Variants in CGGBP1 observed in about 807,000 individuals in gnomAD.
The protein encoded by CGGBP1 is CGG triplet repeat-binding protein 1.
A neutral mutation model predicts 11.4 loss-of-function variants in CGGBP1; 4 were observed. The ratio of observed to expected loss-of-function variants is 0.35; its 90% CI spans 0.17 to 0.80. The LOEUF is 0.80. Ranked by LOEUF, CGGBP1 falls within the 30% of genes least tolerant of loss-of-function variation. The pLI is 0.52. For missense variants in CGGBP1, 135 were observed against 202.1 expected (o/e 0.67, Z 2.01); for synonymous variants, 76 against 74.1 (o/e 1.03, Z -0.13).
In CGGBP1 at chr3:88,058,432, C is replaced by T. The variant is rs181013729; in HGVS notation, c.-330-209G>A. Among the ~76,000 whole-genome samples, 71 of 152,332 alleles carry T rather than the reference C, an allele frequency of 4.7e-4. No individual in the cohort carries two copies. The East Asian group carries it at 8.3e-3, about 18-fold the overall frequency. ...TCCGCCCGCTTGGCACCTCCTCCAG[C>T]TCCCCAGGCCCGGGGGTTCGGGCGG... On this transcript the variant is annotated intron_variant, in intron 1 of 3. Coordinates refer to ENST00000482016, the MANE Select transcript of CGGBP1 (RefSeq NM_001008390.2).
Position 88,055,852 on chromosome 3 carries a change from AAG to A in CGGBP1, c.123_124del (p.Phe42LeufsTer17). Reference sequence around the variant, plus strand: ...CAGAACCACATTGCAAGAAGTGCAGAAGAGTTTTCCTCCATCTTCATGCAGCT... The same window carrying A: ...CAGAACCACATTGCAAGAAGTGCAGAAGTTTTCCTCCATCTTCATGCAGCT... On this transcript the variant is annotated frameshift_variant, in exon 4 of 4. Coordinates refer to ENST00000482016, the MANE Select transcript of CGGBP1 (RefSeq NM_001008390.2). LOFTEE classifies it high-confidence loss of function. This position sits in a 1 kb window ranked among gnomAD's most constrained non-coding sequence, Gnocchi z 4.2. 6.2e-7 allele frequency: 1 copy of A among 1,614,202 alleles called. No homozygotes were observed. The highest frequency in any genetic ancestry group is 8.5e-7 in the Non-Finnish European group (1 of 1,180,034).
rs878955184 is a variant in CGGBP1, at chr3:88,055,322, GTT to G, written c.*149_*150del. On this transcript the variant is annotated 3_prime_UTR_variant, in exon 4 of 4. Transcript: ENST00000482016. The surrounding 1 kb of genome is among the most constrained non-coding windows in gnomAD (Gnocchi z 4.2). ...TAACAATAAGTTTTGCAGTGAGGTG[GTT>G]TTTTTTTTGCCTGCAACTATATACA... 2.2e-5 allele frequency: 13 copies of G among 582,846 alleles called. No individual in the cohort carries two copies. The highest frequency in any genetic ancestry group is 4.8e-5 in the South Asian group (1 of 20,656). 36.1% of individuals were successfully genotyped at this position (582,846 alleles called of 1,614,324 possible).
intron 2 of CGGBP1, among the ~76,000 whole-genome samples, chr3:88,071,974 CA>C (rs1345696593): frequency 6.6e-6 from 1 of 152,120 alleles, no homozygotes; most frequent in Non-Finnish European, 1.5e-5. Flanking sequence ...TCTTGTCAAA[CA>C]GTACATACTT....
chr3:88,122,443 A>G (rs953201736), intron 2 of CGGBP1, among the ~76,000 whole-genome samples: 1 of 152,166 alleles, frequency 6.6e-6, no homozygotes, highest in East Asian at 1.9e-4. Context: ...TCACAGACAC[A>G]TGTTGTAGGT....
intron 2 of CGGBP1, among the ~76,000 whole-genome samples, chr3:88,106,229 T>C (rs372577791): frequency 1.3e-5 from 2 of 152,386 alleles, no homozygotes; most frequent in Admixed American, 1.3e-4. Context: ...TCTGATGATA[T>C]GTCAATCCTA....
chr3:88,109,383 G>T (rs898017503), intron 2 of CGGBP1, among the ~76,000 whole-genome samples: 1 of 152,048 alleles, frequency 6.6e-6, no homozygotes, highest in African/African-American at 2.4e-5. Flanking sequence ...CTTAAAAGTT[G>T]AGTGTTTTAA....
rs569760340 is a variant in CGGBP1, at chr3:88,087,285, C to G, written c.-228-29062G>C. On this transcript the variant is annotated intron_variant, in intron 2 of 3. Coordinates refer to the CGGBP1 transcript ENST00000462901. ...TAGAGACAGGGTTTCACCGTGTTGG[C>G]CAGGCTGGTCTTGAACTCCTGACAG... 8.7e-4 allele frequency among the ~76,000 whole-genome samples: 133 copies of G among 152,148 alleles called. 2 individuals are homozygous for G. The Middle Eastern group carries it at 0.01, about 12-fold the overall frequency.
intron 2 of CGGBP1, among the ~76,000 whole-genome samples, chr3:88,108,073 GTT>G (rs370093184): frequency 2.5e-3 from 386 of 151,934 alleles, no homozygotes; most frequent in African/African-American, 9.1e-3. Flanking sequence ...ATTTGCATTT[GTT>G]TTTGTCAGGT....
intron 2 of CGGBP1, among the ~76,000 whole-genome samples, chr3:88,075,986 C>G (rs1366684081): frequency 6.6e-6 from 1 of 152,170 alleles, no homozygotes; most frequent in East Asian, 1.9e-4. Flanking sequence ...CATTTACTTC[C>G]CTGAGACCTA....
At chr3:88,113,005 A>G in intron 2 of CGGBP1, 1 of 722,140 alleles carries the variant, frequency 1.4e-6, no homozygotes, top group Non-Finnish European at 2.1e-6. Context: ...TTTTTAAACC[A>G]AAATATTTTA....
intron 2 of CGGBP1, chr3:88,140,582 T>C (rs779988236): frequency 3.7e-6 from 6 of 1,613,606 alleles, no homozygotes; most frequent in Admixed American, 1.7e-5. Flanking sequence ...AAAATAATTG[T>C]AGTAGTAGTG....
chr3:88,114,230 G>A (rs1468231033), intron 2 of CGGBP1, among the ~76,000 whole-genome samples: 6 of 152,104 alleles, frequency 3.9e-5, no homozygotes, highest in African/African-American at 1.4e-4. Context: ...AAGGAGGATG[G>A]GGATAGTGCT....
At chr3:88,059,436 C>T (rs1466436914), upstream of CGGBP1, 11 of 1,520,004 alleles carry the variant, frequency 7.2e-6, no homozygotes, top group South Asian at 3.6e-5. Context: ...GCAGAGGCGG[C>T]GCTGGCAGCG....
intron 2 of CGGBP1, among the ~76,000 whole-genome samples, chr3:88,106,872 A>T (rs1704773681): frequency 6.6e-6 from 1 of 152,046 alleles, no homozygotes; most frequent in Admixed American, 6.6e-5. Flanking sequence ...GAAGAAGTGA[A>T]TTTTTCCCTG....
At chr3:88,060,400 C>G (rs564842125), upstream of CGGBP1, among the ~76,000 whole-genome samples, 2 of 152,186 alleles carry the variant, frequency 1.3e-5, no homozygotes, top group African/African-American at 4.8e-5. Flanking sequence ...TTTGTGTACT[C>G]TGCATTCTCA....
intron 2 of CGGBP1, among the ~76,000 whole-genome samples, chr3:88,085,344 G>T (rs993421805): frequency 2.6e-5 from 4 of 152,194 alleles, no homozygotes; most frequent in African/African-American, 9.6e-5. Context: ...ATAAATGGAT[G>T]AACCTGGTTG....
chr3:88,141,672 TC>T (rs775038614), intron 1 of CGGBP1: 3 of 1,502,096 alleles, frequency 2.0e-6, no homozygotes, highest in Admixed American at 3.9e-5. Context: ...TTCAGAAAGA[TC>T]TGTCAATCAA....
chr3:88,138,406 A>G (rs55744603), intron 2 of CGGBP1, among the ~76,000 whole-genome samples: 22,437 of 151,702 alleles, frequency 0.15, 1,722 homozygotes, highest in African/African-American at 0.17. Context: ...CTTAATCACC[A>G]TAAGTTTATG....
chr3:88,093,930 A>G (rs1284111781), intron 2 of CGGBP1, among the ~76,000 whole-genome samples: 13 of 152,148 alleles, frequency 8.5e-5, no homozygotes. Context: ...CACAGCATCT[A>G]GTACTCTTAC....
Sources: gnomAD v4.1 joint callset for allele counts (sites outside exome capture counted in the v4.1 genomes callset) on GRCh38, gnomAD v4.1.1 for gene constraint, Gnocchi (gnomAD v3.1) non-coding constraint, MANE v1.5 for transcripts, NCBI Gene and HGNC (gene_info 2026-07-23, HGNC 2026-07-21) for gene names.